FDFT1: variants seen among roughly 807,000 people sequenced by gnomAD.
FDFT1 encodes squalene synthase.
In FDFT1, 68 loss-of-function variants were observed where a neutral mutation model predicts 46.8. The ratio of observed to expected loss-of-function variants is 1.45; its 90% confidence interval spans 1.19 to 1.78. The LOEUF is 1.78. Ranked by LOEUF, FDFT1 falls within the 40% of genes most tolerant of loss-of-function variation. The pLI, the probability that FDFT1 is intolerant of heterozygous loss-of-function variation, is 0.00. For missense variants in FDFT1, 928 were observed against 524.4 expected (o/e 1.77, Z -7.52); for synonymous variants, 351 against 185.1 (o/e 1.90, Z -7.28).
intron 6 of FDFT1, 46 bp from the exon 7 acceptor site, chr8:11,831,471 TA>T: frequency 6.4e-7 from 1 of 1,556,790 alleles, no homozygotes; most frequent in Non-Finnish European, 8.8e-7. Context: ...TAATGATAGC[TA>T]ACGACATCAT....
chr8:11,802,961 CG>C, intron 1 of FDFT1, 30 bp downstream of exon 1: 1 of 1,570,844 alleles, frequency 6.4e-7, no homozygotes, highest in Non-Finnish European at 8.6e-7. Flanking sequence ...TTGCCCGGGG[CG>C]GGGAAGGAGC....
intron 5 of FDFT1, among the ~76,000 whole-genome samples, 154 bp downstream of exon 5, chr8:11,826,369 G>A (rs777576318): frequency 2.0e-5 from 3 of 152,212 alleles, no homozygotes; most frequent in Non-Finnish European, 4.4e-5. Context: ...ACATGAGTTT[G>A]CTTCAGGTAG....
chr8:11,795,586 A>G (rs183358231), exon 1 of FDFT1: 13 of 147,716 alleles, frequency 8.8e-5, no homozygotes, highest in African/African-American at 1.7e-4. Flanking sequence ...AACGGTGGCA[A>G]CACGCTGGGT....
At chr8:11,828,394 C>T (rs1030599119) in intron 5 of FDFT1, among the ~76,000 whole-genome samples, 8 of 152,322 alleles carry the variant, frequency 5.3e-5, no homozygotes, top group African/African-American at 1.9e-4. Flanking sequence ...GGTTGAGAAA[C>T]CACTCTTGTC....
upstream of FDFT1, among the ~76,000 whole-genome samples, chr8:11,801,486 A>G (rs919307985): frequency 2.0e-5 from 3 of 151,656 alleles, no homozygotes; most frequent in Non-Finnish European, 4.4e-5. Context: ...TGCCTGGCTA[A>G]TTTTTGTATT....
At chr8:11,809,289 T>G in intron 2 of FDFT1, 2 of 1,097,110 alleles carry the variant, frequency 1.8e-6, no homozygotes, top group Non-Finnish European at 2.2e-6. Flanking sequence ...ACCAGTTGCC[T>G]TTATGTATGA....
chr8:11,826,697 C>G (rs571767508), intron 5 of FDFT1, among the ~76,000 whole-genome samples: 1 of 152,308 alleles, frequency 6.6e-6, no homozygotes, highest in African/African-American at 2.4e-5. Flanking sequence ...GGCTTGTAAT[C>G]CCAGCTACCT....
chr8:11,825,929 C>G (rs890610456), intron 4 of FDFT1, 95 bp from the exon 5 acceptor site: 33 of 771,516 alleles, frequency 4.3e-5, no homozygotes, highest in African/African-American at 3.0e-4. Flanking sequence ...TACCCATTCT[C>G]TTTTGAACCT....
chr8:11,829,026 G>C (rs568194053), intron 5 of FDFT1, among the ~76,000 whole-genome samples: 10 of 152,176 alleles, frequency 6.6e-5, no homozygotes, highest in Non-Finnish European at 1.2e-4. Flanking sequence ...ATGCTGAGAA[G>C]TGGAATTGCT....
chr8:11,797,355 G>C (rs73663011), upstream of FDFT1, among the ~76,000 whole-genome samples: 2 of 152,334 alleles, frequency 1.3e-5, no homozygotes, highest in African/African-American at 4.8e-5. Flanking sequence ...ACCTAAGTCA[G>C]ACTGAGGGAG....
At chr8:11,831,251 T>G (rs73549735) in intron 6 of FDFT1, among the ~76,000 whole-genome samples, 2,300 of 152,346 alleles carry the variant, frequency 0.015, 73 homozygotes, top group African/African-American at 0.053. Flanking sequence ...TTGTGTTTGC[T>G]TTTTCCAAAT....
chr8:11,807,251 C>G (rs1806976378), intron 1 of FDFT1, among the ~76,000 whole-genome samples: 1 of 152,186 alleles, frequency 6.6e-6, no homozygotes, highest in Non-Finnish European at 1.5e-5. Context: ...GATCCTCCCA[C>G]CTCAGCCTCC....
chr8:11,836,900 G>A (rs908792476), intron 7 of FDFT1, among the ~76,000 whole-genome samples: 2 of 152,252 alleles, frequency 1.3e-5, no homozygotes, highest in African/African-American at 4.8e-5. Context: ...AGCCAGGGAT[G>A]CACGCTTGCT....
intron 4 of FDFT1, among the ~76,000 whole-genome samples, chr8:11,824,804 C>T (rs1241562232): frequency 2.0e-5 from 3 of 152,016 alleles, no homozygotes; most frequent in Admixed American, 6.6e-5. Context: ...GGCGCGATCT[C>T]GGCTCCCTGC....
chr8:11,807,667 C>G (rs761424955), intron 1 of FDFT1, among the ~76,000 whole-genome samples: 1 of 152,210 alleles, frequency 6.6e-6, no homozygotes, highest in Admixed American at 6.5e-5. Flanking sequence ...GGCTTTTTCT[C>G]CCTTTTGGAA....
chr8:11,834,926 C>G (rs1386116554), intron 7 of FDFT1, among the ~76,000 whole-genome samples: 1 of 152,174 alleles, frequency 6.6e-6, no homozygotes, highest in Non-Finnish European at 1.5e-5. Context: ...GAGTTCGAGA[C>G]CAGCCTGGCC....
chr8:11,795,612 T>A (rs1345348667), exon 1 of FDFT1: 1 of 150,968 alleles, frequency 6.6e-6, no homozygotes, highest in Non-Finnish European at 1.5e-5. Flanking sequence ...TTACAACGCT[T>A]GGGAAGCTTT....
intron 3 of FDFT1, among the ~76,000 whole-genome samples, chr8:11,818,647 GT>G (rs1279825603): frequency 6.6e-6 from 1 of 151,306 alleles, no homozygotes; most frequent in East Asian, 1.9e-4. Flanking sequence ...ATCTTAGTTG[GT>G]TTAAAGTCTG....
chr8:11,824,123 A>C (rs1809637917), intron 4 of FDFT1, among the ~76,000 whole-genome samples: 1 of 152,144 alleles, frequency 6.6e-6, no homozygotes, highest in African/African-American at 2.4e-5. Context: ...ACAGCCTCCC[A>C]AAATTCCGGG....
Sources: gnomAD v4.1 joint callset for allele counts (sites outside exome capture counted in the v4.1 genomes callset) on GRCh38, gnomAD v4.1.1 for gene constraint, MANE v1.5 for transcripts, NCBI Gene and HGNC (gene_info 2026-07-23, HGNC 2026-07-21) for gene names.